DOK5: variants seen among roughly 807,000 people sequenced by gnomAD.
DOK5 encodes the protein docking protein 5.
Under a neutral mutation model 43.3 loss-of-function variants are expected in DOK5, and 27 were observed. The ratio of observed to expected loss-of-function variants is 0.62; its 90% CI spans 0.46 to 0.86. The LOEUF (loss-of-function observed/expected upper bound fraction) is 0.86. DOK5 is among the 40% of genes least tolerant of loss of function. The probability of loss-of-function intolerance (pLI) is 0.00; values close to 1 mark genes in which losing one functional copy is unlikely to be tolerated. For synonymous variants in DOK5, 146 were observed against 140.1 expected, an observed-to-expected ratio of 1.04 and a Z score of -0.30; for missense variants, 373 against 392.9, an observed-to-expected ratio of 0.95 and a Z score of 0.43.
chr20:54,523,412 A>T (rs1983479299), intron 1 of DOK5, among the ~76,000 whole-genome samples: 1 of 151,808 alleles, frequency 6.6e-6, no homozygotes, highest in Non-Finnish European at 1.5e-5. Flanking sequence ...CTAAAAATAC[A>T]AAAATTAGCT....
intron 1 of DOK5, among the ~76,000 whole-genome samples, chr20:54,499,716 C>A (rs1367614286): frequency 2.0e-5 from 3 of 152,194 alleles, no homozygotes; most frequent in Non-Finnish European, 4.4e-5. Flanking sequence ...CTCACATCCA[C>A]CGTTTATGGT....
rs1377681784 is a variant in DOK5, at chr20:54,475,867, C to T, written c.-80C>T. On this transcript the variant is annotated 5_prime_UTR_variant, in exon 1 of 8. Transcript: ENST00000262593. This position sits in a 1 kb window ranked among gnomAD's most constrained non-coding sequence, Gnocchi z 4.2. ...CAACTTTCTCCCACCGACTGCTTGTCTTGACCCTGCCCTCCACCCTCCCCA... is the reference window on the plus strand; with the variant it reads ...CAACTTTCTCCCACCGACTGCTTGTTTTGACCCTGCCCTCCACCCTCCCCA... 3.2e-6 allele frequency: 5 copies of T among 1,565,184 alleles called. No homozygotes were observed. Among genetic ancestry groups the T allele is most frequent in the Non-Finnish European group, 4.4e-6 (5 of 1,147,504 alleles).
chr20:54,581,333 GA>G (rs1318355816), intron 2 of DOK5, among the ~76,000 whole-genome samples: 3 of 150,096 alleles, frequency 2.0e-5, no homozygotes, highest in Admixed American at 6.6e-5. Flanking sequence ...TGATTGTTTT[GA>G]CTATATAAGG....
chr20:54,598,605 C>T lies in DOK5; in HGVS notation c.599+6800C>T, dbSNP rs73913616. Reference sequence around the variant, plus strand: ...TGATTTAAATTAATACCCTGGGTTTCGCACCTGCAGGAGCCAGAGAAGCTC... The same window carrying T: ...TGATTTAAATTAATACCCTGGGTTTTGCACCTGCAGGAGCCAGAGAAGCTC... On this transcript the variant is annotated intron_variant, in intron 5 of 7. Coordinates refer to ENST00000262593, the MANE Select transcript of DOK5 (RefSeq NM_018431.5). Among the ~76,000 whole-genome samples the T allele has an allele frequency of 9.2e-3, 1,406 of 152,258 alleles. 20 individuals carry two copies. Among genetic ancestry groups the T allele is most frequent in the African/African-American group, 0.032 (1,345 of 41,514 alleles).
At chr20:54,562,076 C>T (rs1021473058) in intron 2 of DOK5, among the ~76,000 whole-genome samples, 3 of 152,238 alleles carry the variant, frequency 2.0e-5, no homozygotes, top group African/African-American at 7.2e-5. Flanking sequence ...CTGTTATTCA[C>T]AGCCAGGAGT....
Position 54,508,165 on chromosome 20 carries a change from T to A in DOK5, c.66+32153T>A, listed in dbSNP as rs145653346. Reference sequence around the variant, plus strand: ...TGTTTTAGACCCATAGACTTCAAACTTTTCTGATTATACAATGCATGCAAT... The same window carrying A: ...TGTTTTAGACCCATAGACTTCAAACATTTCTGATTATACAATGCATGCAAT... On this transcript the variant is annotated intron_variant, in intron 1 of 7. Transcript: ENST00000262593. 1.3e-4 allele frequency among the ~76,000 whole-genome samples: 20 copies of A among 152,214 alleles called. 1 individual carries two copies. The East Asian group carries it at 3.9e-3, about 29-fold the overall frequency.
chr20:54,531,395 A>T (rs971843915), intron 1 of DOK5, among the ~76,000 whole-genome samples: 1 of 152,356 alleles, frequency 6.6e-6, no homozygotes, highest in Middle Eastern at 3.4e-3. Context: ...GGTAAAATTC[A>T]CTATAGATAG....
At chr20:54,643,924 A>G (rs1482139058) in intron 7 of DOK5, among the ~76,000 whole-genome samples, 2 of 152,136 alleles carry the variant, frequency 1.3e-5, no homozygotes. Context: ...GGGGCCAGGG[A>G]CCAGGCTACA....
chr20:54,609,733 G>T (rs1039938664), intron 5 of DOK5, among the ~76,000 whole-genome samples: 1 of 151,978 alleles, frequency 6.6e-6, no homozygotes, highest in African/African-American at 2.4e-5. Context: ...TACAGATACC[G>T]TTCTTCTTAA....
chr20:54,490,735 G>A lies in DOK5; in HGVS notation c.66+14723G>A, dbSNP rs189133999. On this transcript the variant is annotated intron_variant, in intron 1 of 7. Transcript: ENST00000262593. Reference sequence around the variant, plus strand: ...CGAGTAAGTAGCTGGGACTACAGGCGCATGCCACCACGCCCAGCTAATTTT... The same window carrying A: ...CGAGTAAGTAGCTGGGACTACAGGCACATGCCACCACGCCCAGCTAATTTT... 1.8e-3 allele frequency among the ~76,000 whole-genome samples: 270 copies of A among 151,482 alleles called. 1 individual carries two copies. The highest frequency in any genetic ancestry group is 3.9e-3 in the Admixed American group (59 of 15,162).
chr20:54,549,781 C>T (rs954430703), intron 1 of DOK5, among the ~76,000 whole-genome samples: 8 of 152,200 alleles, frequency 5.3e-5, no homozygotes, highest in South Asian at 2.1e-4. Flanking sequence ...TTTTTTCTTG[C>T]AGTGGGCATG....
rs1437347150 is a variant in DOK5, at chr20:54,627,146, A to G, written c.736-16312A>G. ...GAATATCAGATTTTTTGCCATTAAA[A>G]CAATACTCTTTGACTGTGAAGTGAG... On this transcript the variant is annotated intron_variant, in intron 6 of 7. Transcript: ENST00000262593. Among the ~76,000 whole-genome samples, 5 of 152,210 alleles carry G rather than the reference A, an allele frequency of 3.3e-5. 1 individual carries two copies. Among genetic ancestry groups the G allele is most frequent in the African/African-American group, 1.2e-4 (5 of 41,574 alleles).
intron 1 of DOK5, among the ~76,000 whole-genome samples, chr20:54,527,219 G>A (rs6091914): frequency 0.021 from 3,201 of 152,060 alleles, 117 homozygotes; most frequent in African/African-American, 0.074. Flanking sequence ...AGGATCTTTC[G>A]TTCAGAATTC....
chr20:54,484,054 C>T (rs1224545460), intron 1 of DOK5, among the ~76,000 whole-genome samples: 1 of 152,184 alleles, frequency 6.6e-6, no homozygotes, highest in Non-Finnish European at 1.5e-5. Flanking sequence ...GCCCCAGCCT[C>T]TCCCACTTTC....
At chr20:54,499,487 TG>T (rs1386235332) in intron 1 of DOK5, among the ~76,000 whole-genome samples, 1 of 152,176 alleles carries the variant, frequency 6.6e-6, no homozygotes, top group African/African-American at 2.4e-5. Flanking sequence ...TGAGGAAGTG[TG>T]GGTGAATCAG....
chr20:54,612,509 G>C (rs1422250177), intron 6 of DOK5, among the ~76,000 whole-genome samples: 1 of 152,148 alleles, frequency 6.6e-6, no homozygotes, highest in African/African-American at 2.4e-5. Flanking sequence ...GATAGATTGA[G>C]TAAAGCAAAT....
At chr20:54,517,452 T>C (rs1301923825) in intron 1 of DOK5, among the ~76,000 whole-genome samples, 1 of 152,236 alleles carries the variant, frequency 6.6e-6, no homozygotes, top group Non-Finnish European at 1.5e-5. Context: ...TGAGGTTTCA[T>C]ATGTTTTAGT....
intron 2 of DOK5, among the ~76,000 whole-genome samples, chr20:54,586,475 A>G (rs1208900479): frequency 1.3e-5 from 2 of 152,132 alleles, no homozygotes; most frequent in African/African-American, 4.8e-5. Flanking sequence ...CATATAGTCC[A>G]CTTATAATTA....
rs560000828 is a variant in DOK5 at position 54,570,643 on chromosome 20, C to A, written c.174+15603C>A. On this transcript the variant is annotated intron_variant, in intron 2 of 7. Transcript: ENST00000262593. The stretch of plus-strand genomic sequence containing the variant: ...GAAAGGGAAAAATTGGAAATCTGAT[C>A]CTTTTTTTTTTAAATGGCTTTTGAC... Among the ~76,000 whole-genome samples the A allele has an allele frequency of 7.2e-5, 11 of 152,068 alleles. No homozygotes were observed. In the South Asian group the frequency reaches 1.5e-3, roughly 20 times the overall value.
Sources: allele counts gnomAD v4.1 joint callset (sites outside exome capture counted in the v4.1 genomes callset), GRCh38; gene constraint gnomAD v4.1.1; non-coding constraint Gnocchi (gnomAD v3.1); transcripts MANE v1.5; gene names NCBI Gene and HGNC (gene_info 2026-07-23, HGNC 2026-07-21).